UNC13B: variants seen among roughly 807,000 people sequenced by gnomAD.
UNC13B encodes unc-13 homolog B, also known as protein unc-13 homolog B.
Under a neutral mutation model 211.0 loss-of-function variants are expected in UNC13B, and 144 were observed. The ratio of observed to expected loss-of-function variants is 0.68; its 90% CI spans 0.60 to 0.78. UNC13B has a LOEUF of 0.78. Among genes scored for constraint, UNC13B ranks in the 30% least tolerant of loss-of-function variants. The probability of loss-of-function intolerance (pLI) is 0.00; values close to 1 mark genes in which losing one functional copy is unlikely to be tolerated. For synonymous variants in UNC13B, 709 were observed against 725.8 expected, an observed-to-expected ratio of 0.98 and a Z score of 0.37; for missense variants, 1,777 against 2,002.0, an observed-to-expected ratio of 0.89 and a Z score of 2.14.
chr9:35,233,888 T>A (rs2131516783), intron 3 of UNC13B, among the ~76,000 whole-genome samples: 1 of 152,310 alleles, frequency 6.6e-6, no homozygotes, highest in Admixed American at 6.5e-5. Context: ...CAGACCTCTC[T>A]TAGCTGGACC....
Position 35,389,868 on chromosome 9 carries a change from A to T in UNC13B, c.11117A>T (p.Glu3706Val). ...YQLKQELPPE[E>V]QGPSIRNLDF... is the part of the protein sequence containing the mutation. ...AAGAAGCAGGAGCTACCTCCAGAGG[A>T]ACAAGGGCCCAGCATTCGGAACCTG... is the stretch of plus-strand genomic sequence containing the variant. The change falls in exon 25 of 40, where the codon GAA (glutamate) becomes GTA (valine). Residue 3706 changes from glutamate to valine, a missense_variant. Glu to Val is a moderately radical substitution (Grantham distance 121). Coordinates refer to ENST00000635942, the MANE Select transcript of UNC13B (RefSeq NM_001371189.2). 1.2e-6 allele frequency: 2 copies of T among 1,614,142 alleles called. No individual in the cohort carries two copies. The highest frequency in any genetic ancestry group is 1.7e-6 in the Non-Finnish European group (2 of 1,180,000).
At chr9:35,334,182 T>C (rs373600809) in intron 11 of UNC13B, among the ~76,000 whole-genome samples, 2 of 152,180 alleles carry the variant, frequency 1.3e-5, no homozygotes, top group Non-Finnish European at 2.9e-5. Context: ...GCCAGGCTGG[T>C]CTTGAACTCC....
chr9:35,332,839 C>A (rs1831449782), intron 11 of UNC13B, among the ~76,000 whole-genome samples: 1 of 152,162 alleles, frequency 6.6e-6, no homozygotes, highest in African/African-American at 2.4e-5. Context: ...TGATGTTAAT[C>A]ACATTGTCCT....
chr9:35,364,463 G>A (rs1334860357), intron 11 of UNC13B: 1 of 1,456,128 alleles, frequency 6.9e-7, no homozygotes, highest in Admixed American at 2.0e-5. Flanking sequence ...GAGTTTAGCT[G>A]GCATTTTCTT....
At chr9:35,283,558 C>T (rs1190787717) in intron 7 of UNC13B, among the ~76,000 whole-genome samples, 1 of 151,712 alleles carries the variant, frequency 6.6e-6, no homozygotes, top group African/African-American at 2.4e-5. Context: ...ATTTTTTTGA[C>T]ACTTACATTC....
At chr9:35,209,831 G>C (rs898573168) in intron 1 of UNC13B, among the ~76,000 whole-genome samples, 3 of 151,952 alleles carry the variant, frequency 2.0e-5, no homozygotes, top group Non-Finnish European at 4.4e-5. Context: ...ATTATTCCCA[G>C]ACTGACATTT....
chr9:35,364,017 C>T (rs928531728), intron 11 of UNC13B, among the ~76,000 whole-genome samples: 4 of 152,296 alleles, frequency 2.6e-5, no homozygotes, highest in Middle Eastern at 3.4e-3. Context: ...GTCCGAGAAA[C>T]GGGCCAGAGC....
intron 16 of UNC13B, among the ~76,000 whole-genome samples, chr9:35,378,028 T>A (rs1028619611): frequency 3.3e-5 from 5 of 152,142 alleles, no homozygotes; most frequent in African/African-American, 1.2e-4. Context: ...AGTGGTTTGC[T>A]AACTGGGTGG....
intron 8 of UNC13B, among the ~76,000 whole-genome samples, chr9:35,297,589 G>A (rs1213095349): frequency 1.1e-5 from 1 of 89,210 alleles, no homozygotes; most frequent in Non-Finnish European, 2.3e-5. Context: ...TCGCTCTTTC[G>A]CCCAGGCCGG....
At chr9:35,183,398 C>T (rs1316326167) in intron 1 of UNC13B, among the ~76,000 whole-genome samples, 2 of 117,614 alleles carry the variant, frequency 1.7e-5, no homozygotes, top group Admixed American at 8.5e-5. Context: ...ACGGGGCGGC[C>T]GGGCAGAGGC....
intron 6 of UNC13B, among the ~76,000 whole-genome samples, chr9:35,258,466 T>C (rs906084501): frequency 5.9e-5 from 9 of 152,188 alleles, no homozygotes; most frequent in African/African-American, 2.2e-4. Context: ...GAGGTTACAG[T>C]GCTAGTGGGA....
intron 11 of UNC13B, among the ~76,000 whole-genome samples, chr9:35,357,202 C>T (rs1169218298): frequency 1.3e-5 from 2 of 152,160 alleles, no homozygotes; most frequent in Non-Finnish European, 2.9e-5. Flanking sequence ...CCACCCGTAA[C>T]ATATGAAGGT....
chr9:35,261,427 G>A (rs896840889), intron 7 of UNC13B, among the ~76,000 whole-genome samples: 3 of 151,682 alleles, frequency 2.0e-5, no homozygotes, highest in Non-Finnish European at 4.4e-5. Flanking sequence ...CTCCCTAATT[G>A]TCCCCAAAAA....
chr9:35,208,045 C>T (rs972272782), intron 1 of UNC13B, among the ~76,000 whole-genome samples: 7 of 152,118 alleles, frequency 4.6e-5, no homozygotes, highest in Non-Finnish European at 1.0e-4. Context: ...TGTATTTTTA[C>T]TTAAAATACA....
intron 1 of UNC13B, among the ~76,000 whole-genome samples, chr9:35,165,246 GA>G (rs1209723229): frequency 6.6e-6 from 1 of 151,964 alleles, no homozygotes; most frequent in Non-Finnish European, 1.5e-5. Context: ...ATCAGTGGTT[GA>G]AAATGACAGG....
chr9:35,331,249 C>T (rs569855198), intron 11 of UNC13B, among the ~76,000 whole-genome samples: 21 of 152,048 alleles, frequency 1.4e-4, no homozygotes, highest in South Asian at 1.0e-3. Context: ...TTTGTTTTTT[C>T]GTTTTCTTTT....
intron 7 of UNC13B, among the ~76,000 whole-genome samples, chr9:35,261,288 A>T (rs1393416880): frequency 6.6e-6 from 1 of 152,164 alleles, no homozygotes; most frequent in Non-Finnish European, 1.5e-5. Context: ...TAAGCTGCAC[A>T]TGCTATAACA....
In UNC13B at chr9:35,396,736, A is replaced by G. The variant is rs1564196364; in HGVS notation, c.11436-105A>G. 16 of 1,599,030 alleles carry G rather than the reference A, an allele frequency of 1.0e-5. No individual in the cohort carries two copies. In the East Asian group the frequency reaches 3.6e-4, roughly 36 times the overall value. ...ACCACCGTAGACAAAGAAAAGTGTT[A>G]AACTGTGCCCTGCCATCCCGAGGAC... On this transcript the variant is annotated intron_variant, in intron 27 of 39. Coordinates refer to ENST00000635942, the MANE Select transcript of UNC13B (RefSeq NM_001371189.2).
chr9:35,203,699 G>T (rs1326763616), intron 1 of UNC13B, among the ~76,000 whole-genome samples: 2 of 152,188 alleles, frequency 1.3e-5, no homozygotes, highest in Non-Finnish European at 2.9e-5. Context: ...GATGTGGCCT[G>T]GCTGCTTCTA....
Sources: gnomAD v4.1 joint callset for allele counts (sites outside exome capture counted in the v4.1 genomes callset) on GRCh38, gnomAD v4.1.1 for gene constraint, MANE v1.5 for transcripts, NCBI Gene and HGNC (gene_info 2026-07-23, HGNC 2026-07-21) for gene names.